The following ACADL variants were observed in gnomAD, a reference collection of about 807,000 sequenced individuals.
ACADL encodes long-chain specific acyl-CoA dehydrogenase, mitochondrial.
In ACADL, 60 loss-of-function variants were observed where a neutral mutation model predicts 56.9. The ratio of observed to expected loss-of-function variants is 1.05; its 90% confidence interval spans 0.86 to 1.31. The LOEUF is 1.31. ACADL is among the 50% of genes most tolerant of loss of function. The probability of loss-of-function intolerance (pLI) is 0.00; values close to 1 mark genes in which losing one functional copy is unlikely to be tolerated. For synonymous variants in ACADL, 158 were observed against 179.7 expected, an observed-to-expected ratio of 0.88 and a Z score of 0.97; for missense variants, 484 against 525.5, an observed-to-expected ratio of 0.92 and a Z score of 0.77.
chr2:210,225,308 C>T lies in ACADL; in HGVS notation c.-45G>A. Reference sequence around the variant, plus strand: ...CGGGGCGACGGAGGCGACTCTGCGGCTACTCGGCGACTCGGGGCAGGGTCC... The same window carrying T: ...CGGGGCGACGGAGGCGACTCTGCGGTTACTCGGCGACTCGGGGCAGGGTCC... On this transcript the variant is annotated 5_prime_UTR_variant, in exon 1 of 11. Transcript: ENST00000233710. 6.5e-7 allele frequency: 1 copy of T among 1,529,604 alleles called. No individual in the cohort carries two copies. The highest frequency in any genetic ancestry group is 2.5e-5 in the East Asian group (1 of 40,516). 94.8% of individuals were successfully genotyped at this position (1,529,604 alleles called of 1,614,324 possible). A position where few individuals can be genotyped will look rare whatever the true frequency, so the allele number is the denominator to read the frequency against.
intron 3 of ACADL, 63 bp from the exon 4 acceptor site, chr2:210,216,574 C>T (rs1007268355): frequency 1.4e-6 from 2 of 1,460,824 alleles, no homozygotes; most frequent in African/African-American, 1.4e-5. Context: ...ACTATTATAA[C>T]AACAATGTAT....
rs572270773 is a variant in ACADL, at chr2:210,222,445, T to C, written c.78-1643A>G. Among the ~76,000 whole-genome samples, 5 of 144,708 alleles carry C rather than the reference T, an allele frequency of 3.5e-5. No homozygotes were observed. In the East Asian group the frequency reaches 1.0e-3, roughly 29 times the overall value. The allele number at this position is 144,708 out of a possible 152,430, so 94.9% of individuals were successfully genotyped here. On this transcript the variant is annotated intron_variant, in intron 1 of 10. Coordinates refer to ENST00000233710, the MANE Select transcript of ACADL (RefSeq NM_001608.4). ...GCCGAGGCCTGAGGATTGCTTGAGC[T>C]GAGGAGTTTGAAACCAGTCTGGGCA... is the stretch of plus-strand genomic sequence containing the variant.
chr2:210,204,406 T>C (rs916528346), intron 7 of ACADL, among the ~76,000 whole-genome samples, 175 bp downstream of exon 7: 8 of 152,224 alleles, frequency 5.3e-5, no homozygotes, highest in African/African-American at 1.9e-4. Context: ...GTTATTTACT[T>C]AACTACCCTA....
intron 5 of ACADL, among the ~76,000 whole-genome samples, chr2:210,206,913 T>C (rs529095402): frequency 1.3e-5 from 2 of 152,272 alleles, no homozygotes; most frequent in East Asian, 3.9e-4. Context: ...TGGACCTGAA[T>C]AAGTACTTGC....
chr2:210,223,646 C>T (rs568834415), intron 1 of ACADL, among the ~76,000 whole-genome samples: 21 of 152,130 alleles, frequency 1.4e-4, no homozygotes, highest in Non-Finnish European at 5.9e-5. Flanking sequence ...AACTAACTTA[C>T]GCCAATGGAT....
chr2:210,208,408 G>A (rs1688924628), intron 5 of ACADL, among the ~76,000 whole-genome samples: 2 of 152,132 alleles, frequency 1.3e-5, no homozygotes. Context: ...CACCATGGTG[G>A]ATCCCCCTTT....
At chr2:210,203,154 T>C (rs1158749283) in intron 8 of ACADL, among the ~76,000 whole-genome samples, 177 bp downstream of exon 8, 2 of 152,242 alleles carry the variant, frequency 1.3e-5, no homozygotes, top group African/African-American at 4.8e-5. Context: ...CCTCAAGGAC[T>C]GTGTCCTAAG....
chr2:210,195,314 A>G lies in ACADL; in HGVS notation c.1009T>C (p.Leu337=). 6.2e-7 allele frequency: 1 copy of G among 1,613,068 alleles called. No homozygotes were observed. Among genetic ancestry groups the G allele is most frequent in the South Asian group, 1.1e-5 (1 of 91,066 alleles). Residue 337 remains leucine, a synonymous_variant, in exon 9 of 11, where the codon TTA becomes CTA. Transcript: ENST00000233710. The part of the protein sequence containing the change: ...LQTVQHKLAE[L]KTHICVTRAF... ...CGGGTTACACATATATGTGTTTTTAATTCTGCTAATTTATGTTGCACTGTC... is the reference window on the plus strand; with the variant it reads ...CGGGTTACACATATATGTGTTTTTAGTTCTGCTAATTTATGTTGCACTGTC...
intron 1 of ACADL, chr2:210,224,336 A>T: frequency 1.0e-5 from 10 of 957,772 alleles, no homozygotes; most frequent in South Asian, 9.7e-5. Flanking sequence ...CGTCTTCCCA[A>T]ATCTCCCCAG....
At chr2:210,193,883 T>G (rs1426104706) in intron 9 of ACADL, among the ~76,000 whole-genome samples, 3 of 152,190 alleles carry the variant, frequency 2.0e-5, no homozygotes, top group Non-Finnish European at 4.4e-5. Flanking sequence ...TAAGGGTAGA[T>G]ACTTCTTTTT....
intron 4 of ACADL, among the ~76,000 whole-genome samples, chr2:210,212,673 T>C (rs1689005490): frequency 6.6e-6 from 1 of 152,212 alleles, no homozygotes; most frequent in Non-Finnish European, 1.5e-5. Context: ...TCAATTATAA[T>C]AAAAAGGAAT....
At chr2:210,213,545 G>T (rs562298692) in intron 4 of ACADL, among the ~76,000 whole-genome samples, 1 of 152,078 alleles carries the variant, frequency 6.6e-6, no homozygotes, top group East Asian at 1.9e-4. Flanking sequence ...GGAAATAAAG[G>T]TAATGACATA....
At chr2:210,205,510 C>T (rs972401575) in intron 6 of ACADL, 122 bp downstream of exon 6, 9 of 937,928 alleles carry the variant, frequency 9.6e-6, no homozygotes, top group Admixed American at 4.3e-5. Flanking sequence ...ATCAGAAAAG[C>T]ATATTTTAGG....
intron 2 of ACADL, among the ~76,000 whole-genome samples, chr2:210,220,200 T>C (rs1186922513): frequency 6.6e-6 from 1 of 152,168 alleles, no homozygotes; most frequent in Admixed American, 6.5e-5. Context: ...CAAAATCTTA[T>C]TGTAATAGAA....
At chr2:210,223,326 C>T (rs1689207798) in intron 1 of ACADL, among the ~76,000 whole-genome samples, 1 of 152,146 alleles carries the variant, frequency 6.6e-6, no homozygotes. Flanking sequence ...TAAACTGCAA[C>T]TAATCTTATT....
At chr2:210,207,822 GATC>G (rs1459165360) in intron 5 of ACADL, among the ~76,000 whole-genome samples, 4 of 152,124 alleles carry the variant, frequency 2.6e-5, no homozygotes, top group Non-Finnish European at 5.9e-5. Context: ...AATAATAAAA[GATC>G]ATCAACGTGC....
At chr2:210,220,988 G>A (rs1007838929) in intron 1 of ACADL, among the ~76,000 whole-genome samples, 186 bp from the exon 2 acceptor site, 1 of 152,138 alleles carries the variant, frequency 6.6e-6, no homozygotes, top group Admixed American at 6.6e-5. Flanking sequence ...TCTACCTCAT[G>A]TAGCTGGAAT....
In ACADL at chr2:210,218,243, T is replaced by A. The variant is rs1481929449; in HGVS notation, c.234-141A>T. 3 of 791,148 alleles carry A rather than the reference T, an allele frequency of 3.8e-6. No individual in the cohort carries two copies. In the Admixed American group the frequency reaches 7.0e-5, roughly 18 times the overall value. The allele number at this position is 791,148 out of a possible 1,614,324, so 49.0% of individuals were successfully genotyped here. On this transcript the variant is annotated intron_variant, in intron 2 of 10. Transcript: ENST00000233710. ...TTTACATTAGCCATATGCTTCTATT[T>A]GCCTCTGACTCTTTTATCACTTCTG...
rs1395756211 is a variant in ACADL at position 210,214,939 on chromosome 2, AAG to A, written c.536+1406_536+1407del. The stretch of plus-strand genomic sequence containing the variant: ...TATAATTAGGGATTTATATCTTAAA[AAG>A]ATAAATACAATGTAAACATATTGCA... On this transcript the variant is annotated intron_variant, in intron 4 of 10. Transcript: ENST00000233710. 3.9e-5 allele frequency among the ~76,000 whole-genome samples: 6 copies of A among 152,256 alleles called. No homozygotes were observed. The East Asian group carries it at 1.2e-3, about 29-fold the overall frequency.
Sources: allele counts gnomAD v4.1 joint callset (sites outside exome capture counted in the v4.1 genomes callset), GRCh38; gene constraint gnomAD v4.1.1; transcripts MANE v1.5; gene names NCBI Gene and HGNC (gene_info 2026-07-23, HGNC 2026-07-21).